Variants in PHACTR1 observed in about 807,000 individuals in gnomAD.
PHACTR1 encodes phosphatase and actin regulator 1, also known as RPEL repeat containing 1.
Under a neutral mutation model 69.2 loss-of-function variants are expected in PHACTR1, and 16 were observed. The ratio of observed to expected loss-of-function variants is 0.23; its 90% confidence interval spans 0.16 to 0.35. The LOEUF (loss-of-function observed/expected upper bound fraction) is 0.35. Among genes scored for constraint, PHACTR1 ranks in the 10% least tolerant of loss-of-function variants. The probability of loss-of-function intolerance (pLI) is 1.00; values close to 1 mark genes in which losing one functional copy is unlikely to be tolerated. For missense variants in PHACTR1, 510 were observed against 734.7 expected, an observed-to-expected ratio of 0.69 and a Z score of 3.54; for synonymous variants, 312 against 284.5, an observed-to-expected ratio of 1.10 and a Z score of -0.97.
At chr6:13,231,016 A>AG (rs146173181) in intron 10 of PHACTR1, among the ~76,000 whole-genome samples, 3 of 142,244 alleles carry the variant, frequency 2.1e-5, no homozygotes, top group Admixed American at 1.5e-4. Context: ...AGAGAGAGAG[A>AG]AGGAAAGAAA....
chr6:13,164,507 C>A (rs1457169376), intron 6 of PHACTR1, among the ~76,000 whole-genome samples: 1 of 152,188 alleles, frequency 6.6e-6, no homozygotes, highest in African/African-American at 2.4e-5. Flanking sequence ...ACTGTGTCAG[C>A]CTGTCCACCT....
intron 5 of PHACTR1, among the ~76,000 whole-genome samples, chr6:13,096,613 G>T (rs1305082591): frequency 6.6e-6 from 1 of 152,158 alleles, no homozygotes; most frequent in African/African-American, 2.4e-5. Flanking sequence ...AAGAACAAGT[G>T]CAAAGACTGA....
chr6:13,057,674 G>A (rs1321597214), intron 5 of PHACTR1, among the ~76,000 whole-genome samples: 1 of 152,156 alleles, frequency 6.6e-6, no homozygotes, highest in Non-Finnish European at 1.5e-5. Context: ...CCTTATACAA[G>A]GGGACACTCA....
At chr6:13,141,645 T>C (rs1822465672) in intron 5 of PHACTR1, among the ~76,000 whole-genome samples, 1 of 151,920 alleles carries the variant, frequency 6.6e-6, no homozygotes, top group Admixed American at 6.6e-5. Context: ...ACGCTTCAAC[T>C]AGAGCTTTGA....
At chr6:13,178,054 G>A (rs966489588) in intron 6 of PHACTR1, among the ~76,000 whole-genome samples, 15 of 152,168 alleles carry the variant, frequency 9.9e-5, no homozygotes, top group East Asian at 9.6e-4. Context: ...CAATCTTGGT[G>A]GCCAGCTCTA....
intron 4 of PHACTR1, among the ~76,000 whole-genome samples, chr6:12,849,817 C>T (rs1461317017): frequency 6.6e-6 from 1 of 152,100 alleles, no homozygotes; most frequent in Admixed American, 6.5e-5. Context: ...AACAAAAATA[C>T]ACAATTCATA....
intron 4 of PHACTR1, among the ~76,000 whole-genome samples, chr6:13,036,863 A>C (rs1436785679): frequency 6.6e-6 from 1 of 152,200 alleles, no homozygotes; most frequent in Admixed American, 6.5e-5. Flanking sequence ...ATACATACTG[A>C]AACCAGAGCC....
In PHACTR1 at chr6:12,770,989, G is replaced by T. The variant is rs1159154900; in HGVS notation, c.250+21199G>T. On this transcript the variant is annotated intron_variant, in intron 4 of 14. Transcript: ENST00000332995. ...ATTGCAAAGAACAAGAAAGCTGGTA[G>T]GACTGGAACCTGTCGTGGGACCAAG... Among the ~76,000 whole-genome samples, 3 of 152,154 alleles carry T rather than the reference G, an allele frequency of 2.0e-5. No homozygotes were observed. The East Asian group carries it at 5.8e-4, about 29-fold the overall frequency.
At chr6:13,199,330 G>A (rs1021501225) in intron 7 of PHACTR1, among the ~76,000 whole-genome samples, 1 of 135,134 alleles carries the variant, frequency 7.4e-6, no homozygotes, top group African/African-American at 2.8e-5. Context: ...GTTGCAGTGA[G>A]CCAAGATCAC....
chr6:13,218,515 T>G (rs193188529), intron 8 of PHACTR1, among the ~76,000 whole-genome samples: 1 of 152,134 alleles, frequency 6.6e-6, no homozygotes, highest in Non-Finnish European at 1.5e-5. Flanking sequence ...ATTTTTGAAG[T>G]CTAGAGATCC....
chr6:12,909,641 G>A (rs1786142249), intron 4 of PHACTR1, among the ~76,000 whole-genome samples: 1 of 152,170 alleles, frequency 6.6e-6, no homozygotes, highest in Non-Finnish European at 1.5e-5. Flanking sequence ...TAAATACAAT[G>A]GCCCATGTAT....
chr6:13,204,434 C>T (rs903318470), intron 7 of PHACTR1, among the ~76,000 whole-genome samples: 1 of 152,044 alleles, frequency 6.6e-6, no homozygotes, highest in Admixed American at 6.5e-5. Flanking sequence ...CTGTGCTGTT[C>T]CAGACCATGC....
At chr6:12,896,595 A>T (rs1226590206) in intron 4 of PHACTR1, among the ~76,000 whole-genome samples, 2 of 152,218 alleles carry the variant, frequency 1.3e-5, no homozygotes, top group Non-Finnish European at 2.9e-5. Flanking sequence ...ACCATAGGGC[A>T]TTGGATGGGA....
At chr6:13,055,996 G>A (rs1213676340) in intron 5 of PHACTR1, among the ~76,000 whole-genome samples, 1 of 152,166 alleles carries the variant, frequency 6.6e-6, no homozygotes, top group African/African-American at 2.4e-5. Context: ...ATGCAGTTTT[G>A]TTTTGTTTTC....
intron 4 of PHACTR1, among the ~76,000 whole-genome samples, chr6:13,011,722 T>A (rs1334648508): frequency 6.6e-6 from 1 of 152,248 alleles, no homozygotes; most frequent in African/African-American, 2.4e-5. Context: ...GCATGCAATT[T>A]AAAATACACA....
At chr6:12,884,528 G>A (rs1783438874) in intron 4 of PHACTR1, among the ~76,000 whole-genome samples, 1 of 151,878 alleles carries the variant, frequency 6.6e-6, no homozygotes, top group African/African-American at 2.4e-5. Context: ...AGCCTCCTAA[G>A]TAGCTGGGAC....
chr6:13,240,282 A>G (rs979918926), intron 10 of PHACTR1, among the ~76,000 whole-genome samples: 8 of 152,164 alleles, frequency 5.3e-5, no homozygotes, highest in African/African-American at 1.9e-4. Flanking sequence ...AGGAAGCTTC[A>G]AAGACTGGGC....
At chr6:12,863,377 G>A (rs1561956742) in intron 4 of PHACTR1, among the ~76,000 whole-genome samples, 1 of 152,112 alleles carries the variant, frequency 6.6e-6, no homozygotes, top group African/African-American at 2.4e-5. Flanking sequence ...TTTCTATAAG[G>A]CACCAATACC....
intron 5 of PHACTR1, among the ~76,000 whole-genome samples, chr6:13,061,784 C>T (rs1312054095): frequency 2.6e-5 from 4 of 152,036 alleles, no homozygotes; most frequent in Non-Finnish European, 2.9e-5. Context: ...AATTTTGAAC[C>T]GATATTTTCT....
Sources: gnomAD v4.1 joint callset for allele counts (sites outside exome capture counted in the v4.1 genomes callset) on GRCh38, gnomAD v4.1.1 for gene constraint, MANE v1.5 for transcripts, NCBI Gene and HGNC (gene_info 2026-07-23, HGNC 2026-07-21) for gene names.